The following FSTL4 variants were observed in gnomAD, a reference collection of about 807,000 sequenced individuals.
The protein encoded by FSTL4 is follistatin like 4.
FSTL4 carries 28 observed loss-of-function variants against 78.2 expected under a neutral mutation model. The ratio of observed to expected loss-of-function variants is 0.36; its 90% confidence interval spans 0.27 to 0.49. FSTL4 has a LOEUF of 0.49. Ranked by LOEUF, FSTL4 falls within the 20% of genes least tolerant of loss-of-function variation. FSTL4 has a pLI of 0.98. For missense variants in FSTL4, 922 were observed against 1,084.9 expected, an observed-to-expected ratio of 0.85 and a Z score of 2.11; for synonymous variants, 422 against 440.5, an observed-to-expected ratio of 0.96 and a Z score of 0.53.
Position 133,249,445 on chromosome 5 carries a change from GC to G in FSTL4, c.858del (p.Leu287SerfsTer3). The G allele has an allele frequency of 6.2e-7, 1 of 1,613,980 alleles. No individual in the cohort carries two copies. Among genetic ancestry groups the G allele is most frequent in the South Asian group, 1.1e-5 (1 of 91,078 alleles). On this transcript the variant is annotated frameshift_variant, in exon 7 of 16. Transcript: ENST00000265342. LOFTEE classifies it high-confidence loss of function. ...TCCAAGTCCAGGAAGTTCAGGGTGAGCCCGTTGCGCTTCCAGATGATTGGTG... is the reference window on the plus strand; with the variant it reads ...TCCAAGTCCAGGAAGTTCAGGGTGAGCCGTTGCGCTTCCAGATGATTGGTG... ...LRPPIIWKRN[G>X]LTLNFLDLED...
intron 5 of FSTL4, among the ~76,000 whole-genome samples, chr5:133,313,495 A>C (rs541516059): frequency 6.6e-6 from 1 of 152,250 alleles, no homozygotes; most frequent in Admixed American, 6.5e-5. Context: ...CAAGGTAACT[A>C]AGGGTAGAAA....
At chr5:133,779,176 C>T in the FSTL4 span, among the ~76,000 whole-genome samples, 1 of 152,188 alleles carries the variant, frequency 6.6e-6, no homozygotes, top group Non-Finnish European at 1.5e-5. Context: ...ATCTCCTTGG[C>T]TCCCCTCCTA....
Position 133,225,097 on chromosome 5 carries a change from AC to A in FSTL4, c.1312+52del. On this transcript the variant is annotated intron_variant, in intron 10 of 15. Transcript: ENST00000265342. This position sits in a 1 kb window ranked among gnomAD's most constrained non-coding sequence, Gnocchi z 4.6. ...TGGTCAATTGGTGCCCTCCCTTGCC[AC>A]CCAACACCTCCCAGCCAGCTCAGTG... is the stretch of plus-strand genomic sequence containing the variant. The A allele has an allele frequency of 2.5e-6, 4 of 1,611,170 alleles. No individual in the cohort carries two copies. The highest frequency in any genetic ancestry group is 3.4e-6 in the Non-Finnish European group (4 of 1,178,026).
chr5:133,766,418 T>C, the FSTL4 span, among the ~76,000 whole-genome samples: 616 of 152,346 alleles, frequency 4.0e-3, 5 homozygotes, highest in African/African-American at 0.014. Context: ...ACTGAACTAA[T>C]GAGTTAACAC....
At chr5:133,796,033 C>T in the FSTL4 span, among the ~76,000 whole-genome samples, 26 of 152,348 alleles carry the variant, frequency 1.7e-4, no homozygotes, top group African/African-American at 6.3e-4. Flanking sequence ...AGTCCTTCTG[C>T]TCTTCTTACC....
At chr5:133,526,476 G>A (rs900787605) in intron 3 of FSTL4, among the ~76,000 whole-genome samples, 4 of 152,124 alleles carry the variant, frequency 2.6e-5, no homozygotes, top group Non-Finnish European at 4.4e-5. Flanking sequence ...GTTAGGGTGC[G>A]ACTCCTATTG....
intron 13 of FSTL4, among the ~76,000 whole-genome samples, chr5:133,216,165 A>G (rs1270551624): frequency 2.0e-5 from 3 of 152,234 alleles, no homozygotes; most frequent in Non-Finnish European, 4.4e-5. Context: ...TCAATCTGTC[A>G]GAAAGAATCT....
At chr5:133,524,226 C>A (rs971431080) in intron 3 of FSTL4, among the ~76,000 whole-genome samples, 1 of 152,140 alleles carries the variant, frequency 6.6e-6, no homozygotes, top group Non-Finnish European at 1.5e-5. Flanking sequence ...CGGAGACAGG[C>A]AGGCAGAGGT....
At chr5:133,753,656 CT>C in the FSTL4 span, among the ~76,000 whole-genome samples, 1 of 151,110 alleles carries the variant, frequency 6.6e-6, no homozygotes, top group African/African-American at 2.4e-5. Flanking sequence ...CTTCTCTCCC[CT>C]GGGCCTTTGT....
chr5:133,599,355 T>C (rs1165425488), intron 2 of FSTL4, among the ~76,000 whole-genome samples: 1 of 152,102 alleles, frequency 6.6e-6, no homozygotes, highest in Non-Finnish European at 1.5e-5. Flanking sequence ...GTAGGATCAA[T>C]GCTGTCTTAG....
the FSTL4 span, among the ~76,000 whole-genome samples, chr5:133,699,082 A>T: frequency 1.3e-5 from 2 of 152,162 alleles, no homozygotes; most frequent in African/African-American, 4.8e-5. Flanking sequence ...GGCCCACTAC[A>T]ACCCAGGCCT....
the FSTL4 span, among the ~76,000 whole-genome samples, chr5:133,629,825 T>C: frequency 5.3e-5 from 8 of 152,208 alleles, no homozygotes; most frequent in Non-Finnish European, 1.2e-4. Flanking sequence ...ATCCCTGGGA[T>C]GCAAGGCTGG....
chr5:133,797,326 G>T, the FSTL4 span, among the ~76,000 whole-genome samples: 2 of 152,224 alleles, frequency 1.3e-5, no homozygotes, highest in Non-Finnish European at 2.9e-5. Flanking sequence ...AAGGAGCAAG[G>T]CTCTGTCTAA....
the FSTL4 span, among the ~76,000 whole-genome samples, chr5:133,661,279 C>T: frequency 6.6e-6 from 1 of 152,310 alleles, no homozygotes; most frequent in East Asian, 1.9e-4. Flanking sequence ...CGTGAGCCAC[C>T]GTGCACAGCC....
chr5:133,755,550 A>G, the FSTL4 span, among the ~76,000 whole-genome samples: 1 of 151,982 alleles, frequency 6.6e-6, no homozygotes, highest in Non-Finnish European at 1.5e-5. Flanking sequence ...CATACTCTAG[A>G]CCTCACCCAC....
chr5:133,299,467 C>T (rs763157102), intron 6 of FSTL4, among the ~76,000 whole-genome samples: 4 of 152,168 alleles, frequency 2.6e-5, no homozygotes, highest in African/African-American at 7.2e-5. Flanking sequence ...AACCAGGCGG[C>T]GGCTGGCAGG....
the FSTL4 span, among the ~76,000 whole-genome samples, chr5:133,678,800 G>A: frequency 6.6e-6 from 1 of 152,112 alleles, no homozygotes; most frequent in Non-Finnish European, 1.5e-5. Context: ...AGATCTAGGA[G>A]AAAACAGAGC....
At chr5:133,469,796 A>G (rs1210736733) in intron 3 of FSTL4, among the ~76,000 whole-genome samples, 1 of 152,174 alleles carries the variant, frequency 6.6e-6, no homozygotes, top group Non-Finnish European at 1.5e-5. Flanking sequence ...AGGACACCTC[A>G]GTCCACAGCC....
At chr5:133,294,737 T>G (rs1413078592) in intron 6 of FSTL4, among the ~76,000 whole-genome samples, 1 of 152,190 alleles carries the variant, frequency 6.6e-6, no homozygotes, top group Non-Finnish European at 1.5e-5. Flanking sequence ...CTCTTCTGGT[T>G]TATTCTGTCT....
Sources: allele counts gnomAD v4.1 joint callset (sites outside exome capture counted in the v4.1 genomes callset), GRCh38; gene constraint gnomAD v4.1.1; non-coding constraint Gnocchi (gnomAD v3.1); transcripts MANE v1.5; gene names NCBI Gene and HGNC (gene_info 2026-07-23, HGNC 2026-07-21).